The following LRRK2 variants were observed in gnomAD, a reference collection of about 807,000 sequenced individuals.
The protein encoded by LRRK2 is leucine-rich repeat serine/threonine-protein kinase 2.
Under a neutral mutation model 302.6 loss-of-function variants are expected in LRRK2, and 203 were observed. That is an observed-to-expected ratio of 0.67 (90% confidence interval 0.60 to 0.75). The LOEUF (loss-of-function observed/expected upper bound fraction) is 0.75. Ranked by LOEUF, LRRK2 falls within the 30% of genes least tolerant of loss-of-function variation. The pLI is 0.00. For synonymous variants in LRRK2, 1,066 were observed against 1,031.9 expected (o/e 1.03, Z -0.63); for missense variants, 2,830 against 2,951.0 (o/e 0.96, Z 0.95).
intron 39 of LRRK2, among the ~76,000 whole-genome samples, chr12:40,332,236 AACT>A (rs1347223168): frequency 6.6e-6 from 1 of 152,170 alleles, no homozygotes; most frequent in African/African-American, 2.4e-5. Context: ...CTTCCCCCTG[AACT>A]AAAGTCCAGG....
At chr12:40,333,801 A>G (rs939413533) in intron 39 of LRRK2, among the ~76,000 whole-genome samples, 1 of 152,122 alleles carries the variant, frequency 6.6e-6, no homozygotes, top group Non-Finnish European at 1.5e-5. Flanking sequence ...GACTTCAGCC[A>G]TGTGAAGGGT....
At chr12:40,287,281 T>A in intron 19 of LRRK2, 70 bp from the exon 20 acceptor site, 1 of 1,376,876 alleles carries the variant, frequency 7.3e-7, no homozygotes, top group Non-Finnish European at 1.0e-6. Flanking sequence ...CGTAAGAACT[T>A]TGGTCCTATG....
chr12:40,251,002 G>GT lies in LRRK2; in HGVS notation c.959-216dup, dbSNP rs575085073. ...AAATAATCCTCCTCTCGTCTATTAG[G>GT]TTTTTTTTTTTTTTGGTACCTTCTT... On this transcript the variant is annotated intron_variant, in intron 8 of 50. Coordinates refer to ENST00000298910, the MANE Select transcript of LRRK2 (RefSeq NM_198578.4). Among the ~76,000 whole-genome samples the GT allele has an allele frequency of 0.086, 11,812 of 137,502 alleles. 727 individuals are homozygous for GT. The highest frequency in any genetic ancestry group is 0.13 in the Middle Eastern group (34 of 262). 90.2% of individuals were successfully genotyped at this position (137,502 alleles called of 152,430 possible). A position where few individuals can be genotyped will look rare whatever the true frequency, so the allele number is the denominator to read the frequency against.
chr12:40,287,333 T>G lies in LRRK2; in HGVS notation c.2501-18T>G, dbSNP rs1943967345. On this transcript the variant is annotated intron_variant, in intron 19 of 50. Coordinates refer to ENST00000298910, the MANE Select transcript of LRRK2 (RefSeq NM_198578.4). Reference sequence around the variant, plus strand: ...TAATTGTTGATTTCTAAGTTGCTGGTGTATCTCTTATTTTCAGATATAGCA... The same window carrying G: ...TAATTGTTGATTTCTAAGTTGCTGGGGTATCTCTTATTTTCAGATATAGCA... 6.3e-7 allele frequency: 1 copy of G among 1,580,506 alleles called. No individual in the cohort carries two copies. Among genetic ancestry groups the G allele is most frequent in the Non-Finnish European group, 8.6e-7 (1 of 1,160,256 alleles).
chr12:40,303,883 T>G, intron 26 of LRRK2, 65 bp from the exon 27 acceptor site: 1 of 1,474,478 alleles, frequency 6.8e-7, no homozygotes, highest in Non-Finnish European at 9.5e-7. Context: ...AAATTATTTG[T>G]GATGTTATTT....
chr12:40,275,771 T>C (rs1013877794), intron 16 of LRRK2, among the ~76,000 whole-genome samples: 1 of 151,938 alleles, frequency 6.6e-6, no homozygotes, highest in Admixed American at 6.6e-5. Flanking sequence ...CTCCCATGCC[T>C]GGCTAATTTT....
chr12:40,346,166 G>A (rs932885549), intron 41 of LRRK2, among the ~76,000 whole-genome samples: 1 of 150,596 alleles, frequency 6.6e-6, no homozygotes, highest in South Asian at 2.1e-4. Context: ...AGAATTTCAG[G>A]CATGAACCCA....
rs201159244 is a variant in LRRK2, at chr12:40,249,855, G to A, written c.868G>A (p.Glu290Lys). 1.3e-5 allele frequency: 21 copies of A among 1,613,522 alleles called. No individual in the cohort carries two copies. The highest frequency in any genetic ancestry group is 1.7e-5 in the Non-Finnish European group (20 of 1,179,746). The part of the protein sequence containing the change: ...GNFFNILVLN[E>K]VHEFVVKAVQ... ...TTTTTTCAATATCCTGGTATTAAAC[G>A]AAGTCCATGAGTTTGTGGTGAAAGC... The change falls in exon 8 of 51, where the codon GAA (glutamate) becomes AAA (lysine). Residue 290 changes from glutamate to lysine, a missense_variant. By Grantham distance (56) the Glu-to-Lys change is moderately conservative. This residue lies in a region of LRRK2 where 2,121 missense variants were observed against 2,148.0 expected (regional missense o/e 0.99). Coordinates refer to ENST00000298910, the MANE Select transcript of LRRK2 (RefSeq NM_198578.4).
intron 30 of LRRK2, 48 bp from the exon 31 acceptor site, chr12:40,310,383 G>A (rs199739570): frequency 9.8e-5 from 153 of 1,568,450 alleles, no homozygotes; most frequent in Non-Finnish European, 1.3e-4. Flanking sequence ...ATGTGAGCAG[G>A]CCCAGTTTGA....
intron 14 of LRRK2, among the ~76,000 whole-genome samples, chr12:40,272,902 A>G (rs1405689865): frequency 6.6e-6 from 1 of 152,164 alleles, no homozygotes; most frequent in Non-Finnish European, 1.5e-5. Flanking sequence ...TTAGAAATAA[A>G]GGAAAAATGG....
Position 40,249,876 on chromosome 12 carries a change from A to G in LRRK2, c.889A>G (p.Lys297Glu), listed in dbSNP as rs199552001. 6.2e-7 allele frequency: 1 copy of G among 1,613,942 alleles called. No individual in the cohort carries two copies. The highest frequency in any genetic ancestry group is 2.2e-5 in the East Asian group (1 of 44,876). The change falls in exon 8 of 51, where the codon AAA becomes GAA. Residue 297 changes from lysine to glutamate, a missense_variant. By Grantham distance (56) the Lys-to-Glu change is moderately conservative. This residue lies in a region of LRRK2 where 2,121 missense variants were observed against 2,148.0 expected (regional missense o/e 0.99). Coordinates refer to ENST00000298910, the MANE Select transcript of LRRK2 (RefSeq NM_198578.4). ...VLNEVHEFVV[K>E]AVQQYPENAA... ...AAACGAAGTCCATGAGTTTGTGGTG[A>G]AAGCTGTGCAGCAGTACCCAGAGAA... is the stretch of plus-strand genomic sequence containing the variant.
At chr12:40,360,268 G>A (rs1946663705) in intron 47 of LRRK2, among the ~76,000 whole-genome samples, 1 of 152,122 alleles carries the variant, frequency 6.6e-6, no homozygotes, top group Non-Finnish European at 1.5e-5. Flanking sequence ...CACCTGGTAA[G>A]CTGTCAATAA....
chr12:40,313,833 A>G (rs765163964), intron 31 of LRRK2, 139 bp from the exon 32 acceptor site: 199 of 662,182 alleles, frequency 3.0e-4, no homozygotes, highest in Non-Finnish European at 4.5e-4. Flanking sequence ...GCTTTTTATT[A>G]TATTTTGATT....
intron 5 of LRRK2, among the ~76,000 whole-genome samples, chr12:40,239,555 T>C (rs373490385): frequency 1.3e-5 from 2 of 152,220 alleles, no homozygotes; most frequent in Middle Eastern, 3.4e-3. Context: ...TGTTGCTCAA[T>C]AGAAAAACCA....
intron 25 of LRRK2, chr12:40,300,950 G>T (rs1183367790): frequency 2.1e-6 from 1 of 470,836 alleles, no homozygotes; most frequent in East Asian, 6.9e-5. Context: ...TGTATGGTCA[G>T]TGTGTCATCT....
intron 6 of LRRK2, among the ~76,000 whole-genome samples, chr12:40,240,946 C>A (rs1423896928): frequency 6.6e-6 from 1 of 152,072 alleles, no homozygotes. Flanking sequence ...GTTAGGAGAT[C>A]AAATAGGAAG....
intron 3 of LRRK2, among the ~76,000 whole-genome samples, chr12:40,235,108 T>G (rs1408046428): frequency 6.6e-6 from 1 of 152,192 alleles, no homozygotes; most frequent in African/African-American, 2.4e-5. Flanking sequence ...TTGTGAATTA[T>G]TCACCACAAT....
chr12:40,363,332 G>A, intron 47 of LRRK2, 70 bp from the exon 48 acceptor site: 2 of 1,450,314 alleles, frequency 1.4e-6, no homozygotes, highest in South Asian at 2.3e-5. Context: ...CTAATATAAG[G>A]TTGTATTACA....
intron 41 of LRRK2, among the ~76,000 whole-genome samples, chr12:40,342,002 T>G (rs7956898): frequency 0.77 from 116,861 of 152,156 alleles, 45,730 homozygotes; most frequent in Non-Finnish European, 0.86. Flanking sequence ...GATTTTCTCT[T>G]GAAAGATCTG....
Sources: allele counts gnomAD v4.1 joint callset (sites outside exome capture counted in the v4.1 genomes callset), GRCh38; gene constraint gnomAD v4.1.1; regional missense constraint gnomAD v4.1.1; transcripts MANE v1.5; gene names NCBI Gene and HGNC (gene_info 2026-07-23, HGNC 2026-07-21).